The following PASK variants were observed in gnomAD, a reference collection of about 807,000 sequenced individuals.
PASK encodes PAS domain containing serine/threonine kinase, also known as PAS domain-containing serine/threonine-protein kinase.
In PASK, 110 loss-of-function variants were observed where a neutral mutation model predicts 121.0. The observed-to-expected ratio is 0.91, with a 90% CI of 0.78 to 1.06. PASK has a LOEUF of 1.06. PASK is among the 50% of genes least tolerant of loss of function. PASK has a pLI of 0.00. For missense variants in PASK, 1,643 were observed against 1,702.3 expected (o/e 0.97, Z 0.61); for synonymous variants, 686 against 717.8 (o/e 0.96, Z 0.71).
chr2:241,129,277 C>A (rs7585305), intron 9 of PASK, among the ~76,000 whole-genome samples: 1,587 of 152,336 alleles, frequency 0.01, 23 homozygotes, highest in African/African-American at 0.035. Context: ...TTCACCCATG[C>A]TCTTGGGGCC....
chr2:241,149,764 G>C, upstream of PASK: 1 of 1,538,968 alleles, frequency 6.5e-7, no homozygotes. Context: ...GGAGGACGCG[G>C]GGCGGCTCGT....
At chr2:241,134,620 C>G (rs977005607) in intron 8 of PASK, 1 of 152,340 alleles carries the variant, frequency 6.6e-6, no homozygotes, top group East Asian at 1.9e-4. Flanking sequence ...TGTATTAAAT[C>G]CACTTTCGCA....
In PASK at chr2:241,112,412, A is replaced by G. The variant is rs764291518; in HGVS notation, c.3361T>C (p.Leu1121=). 2 of 1,613,856 alleles carry G rather than the reference A, an allele frequency of 1.2e-6. No homozygotes were observed. Among genetic ancestry groups the G allele is most frequent in the Non-Finnish European group, 1.7e-6 (2 of 1,179,822 alleles). Residue 1121 remains leucine, a synonymous_variant, in exon 15 of 18, where the codon TTG becomes CTG. Transcript: ENST00000234040. This position sits in a 1 kb window ranked among gnomAD's most constrained non-coding sequence, Gnocchi z 5.2. The part of the protein sequence containing the change: ...QLVSAVGYLR[L]KDIIHRDIKD... ...ATGTCACGGTGGATGATGTCCTTCA[A>G]GCGCAGGTATCCCACTGCTGACACT... is the stretch of plus-strand genomic sequence containing the variant.
At chr2:241,124,831 T>C (rs1472678980) in intron 10 of PASK, among the ~76,000 whole-genome samples, 1 of 152,152 alleles carries the variant, frequency 6.6e-6, no homozygotes, top group Non-Finnish European at 1.5e-5. Flanking sequence ...AAATCAGCAA[T>C]ATGGAAACAA....
intron 12 of PASK, among the ~76,000 whole-genome samples, chr2:241,120,318 C>G (rs944560572): frequency 2.0e-5 from 3 of 152,008 alleles, no homozygotes; most frequent in Non-Finnish European, 4.4e-5. Flanking sequence ...CATGGTGCAA[C>G]CCCATCTCTA....
intron 11 of PASK, among the ~76,000 whole-genome samples, chr2:241,123,169 GGCT>G (rs1271485314): frequency 2.1e-5 from 3 of 145,722 alleles, no homozygotes; most frequent in Non-Finnish European, 4.4e-5. Context: ...GATTTAAAGT[GGCT>G]TCTTTTTTTT....
intron 7 of PASK, 111 bp downstream of exon 7, chr2:241,136,893 C>A (rs996362124): frequency 3.0e-6 from 3 of 1,006,114 alleles, no homozygotes; most frequent in Non-Finnish European, 4.6e-6. Context: ...GGTAAAGGAG[C>A]GAGCTGGAGA....
At chr2:241,143,142 T>C (rs2066789920) in intron 1 of PASK, 68 bp from the exon 2 acceptor site, 1 of 855,952 alleles carries the variant, frequency 1.2e-6, no homozygotes, top group East Asian at 2.6e-5. Context: ...AACCAACTAA[T>C]TTATAATGCT....
At chr2:241,110,559 C>G (rs538344115) in intron 15 of PASK, among the ~76,000 whole-genome samples, 1 of 152,318 alleles carries the variant, frequency 6.6e-6, no homozygotes, top group South Asian at 2.1e-4. Context: ...CCTGGCAGGG[C>G]AGGCGCTCAG....
chr2:241,146,894 G>A (rs1210733157), intron 1 of PASK, among the ~76,000 whole-genome samples: 1 of 152,110 alleles, frequency 6.6e-6, no homozygotes, highest in Non-Finnish European at 1.5e-5. Flanking sequence ...TTATTCTTTT[G>A]TATGAATAAA....
In PASK at chr2:241,126,816, C is replaced by T. The variant is rs772897849; in HGVS notation, c.2099G>A (p.Gly700Glu). The T allele has an allele frequency of 2.5e-6, 4 of 1,613,586 alleles. No homozygotes were observed. In the South Asian group the frequency reaches 3.3e-5, roughly 13 times the overall value. ...GCAGCCACCGCACAGGTCTCTGCCT[C>T]CCAGATCGCAGGACGACACAGGAGC... ...VTAPVSSCDL[G>E]GRDLCGGCTG... The change falls in exon 10 of 18, where the codon GGA (glycine) becomes GAA (glutamate). Residue 700 changes from glycine (G) to glutamate (E), a missense_variant. Gly to Glu is a moderately conservative substitution (Grantham distance 98). Around this residue, in one of 3 missense-constraint regions of PASK, gnomAD observed 1,176 missense variants for 1,162.2 expected, o/e 1.01. Coordinates refer to ENST00000234040, the MANE Select transcript of PASK (RefSeq NM_015148.4).
chr2:241,110,874 G>A (rs13417547), intron 15 of PASK, among the ~76,000 whole-genome samples: 35,834 of 152,128 alleles, frequency 0.24, 6,600 homozygotes, highest in African/African-American at 0.5. Flanking sequence ...AACCCCCTTC[G>A]ATATTTCACG....
At chr2:241,128,139 G>A (rs11678254) in intron 9 of PASK, among the ~76,000 whole-genome samples, 12,142 of 152,268 alleles carry the variant, frequency 0.08, 574 homozygotes, top group African/African-American at 0.12. Context: ...AAATTAGCCC[G>A]GTGAGGTGGC....
intron 9 of PASK, among the ~76,000 whole-genome samples, chr2:241,131,235 G>A (rs980333167): frequency 4.7e-5 from 7 of 149,968 alleles, no homozygotes; most frequent in African/African-American, 1.5e-4. Context: ...TGCAAGCTCC[G>A]CCTCCCAGGT....
intron 12 of PASK, among the ~76,000 whole-genome samples, chr2:241,116,530 A>G (rs1326474636): frequency 6.6e-6 from 1 of 152,254 alleles, no homozygotes; most frequent in Non-Finnish European, 1.5e-5. Context: ...AGAATAAACG[A>G]AGAAGCCAGA....
chr2:241,144,508 C>T lies in PASK; in HGVS notation c.-42-1434G>A, dbSNP rs898572228. ...CCAACCACACCCCATATACCCTCTTCTGGACCACCTTCTGGGTATCCAGAA... is the reference window on the plus strand; with the variant it reads ...CCAACCACACCCCATATACCCTCTTTTGGACCACCTTCTGGGTATCCAGAA... On this transcript the variant is annotated intron_variant, in intron 1 of 17. Transcript: ENST00000234040. Among the ~76,000 whole-genome samples the T allele has an allele frequency of 1.7e-4, 26 of 152,332 alleles. No individual in the cohort carries two copies. The South Asian group carries it at 3.9e-3, about 23-fold the overall frequency.
rs2125447491 is a variant in PASK at position 241,137,404 on chromosome 2, TTCCCTCTCCTCCCA to T, written c.877-154_877-141del. 3 of 753,588 alleles carry T rather than the reference TTCCCTCTCCTCCCA, an allele frequency of 4.0e-6. No homozygotes were observed. The South Asian group carries it at 4.2e-5, about 11-fold the overall frequency. The allele number at this position is 753,588 out of a possible 1,614,324, so 46.7% of individuals were successfully genotyped here. A position where few individuals can be genotyped will look rare whatever the true frequency, so the allele number is the denominator to read the frequency against. Reference sequence around the variant, plus strand: ...CATCTCACACCCACACTGCTCTGCCTTCCCTCTCCTCCCAGGCCCAGCTGGCCCAGGAAAGAGCC... The same window carrying T: ...CATCTCACACCCACACTGCTCTGCCTGGCCCAGCTGGCCCAGGAAAGAGCC... On this transcript the variant is annotated intron_variant, in intron 6 of 17. Transcript: ENST00000234040.
At position 241,142,868 on chromosome 2, in the gene PASK, G is replaced by A; in HGVS notation, c.165C>T (p.Ser55=). 1.9e-6 allele frequency: 3 copies of A among 1,613,902 alleles called. No homozygotes were observed. Among genetic ancestry groups the A allele is most frequent in the Non-Finnish European group, 2.5e-6 (3 of 1,179,904 alleles). The change falls in exon 2 of 18, where the codon TCC becomes TCT. Residue 55 remains serine (S), a synonymous_variant. Transcript: ENST00000234040. ...GCGCTGTCCTGCTCTGGCAGAGTCT[G>A]GAAAGCCCATTCCTTCTGCTCAGGT... The part of the protein sequence containing the change: ...HRHLSRRNGL[S]RLCQSRTALS...
intron 15 of PASK, chr2:241,109,026 C>T (rs1231608626): frequency 6.8e-6 from 1 of 147,768 alleles, no homozygotes; most frequent in Non-Finnish European, 1.5e-5. Flanking sequence ...TTCCTGTCAC[C>T]GTAAACATCC....
Sources: gnomAD v4.1 joint callset for allele counts (sites outside exome capture counted in the v4.1 genomes callset) on GRCh38, gnomAD v4.1.1 for gene constraint, gnomAD v4.1.1 regional missense constraint, Gnocchi (gnomAD v3.1) non-coding constraint, MANE v1.5 for transcripts, NCBI Gene and HGNC (gene_info 2026-07-23, HGNC 2026-07-21) for gene names.